The following SMURF2 variants were observed in gnomAD, a reference collection of about 807,000 sequenced individuals.
The protein encoded by SMURF2 is E3 ubiquitin-protein ligase SMURF2.
SMURF2 carries 48 observed loss-of-function variants against 109.6 expected under a neutral mutation model. That is an observed-to-expected ratio of 0.44 (90% CI 0.35 to 0.56). SMURF2 has a LOEUF of 0.56. Among genes scored for constraint, SMURF2 ranks in the 20% least tolerant of loss-of-function variants. The pLI, the probability that SMURF2 is intolerant of heterozygous loss-of-function variation, is 0.01. For missense variants in SMURF2, 575 were observed against 909.0 expected (o/e 0.63, Z 4.72); for synonymous variants, 288 against 317.1 (o/e 0.91, Z 0.97).
intron 3 of SMURF2, among the ~76,000 whole-genome samples, chr17:64,595,941 C>G (rs17401012): frequency 2.6e-5 from 4 of 152,052 alleles, no homozygotes; most frequent in Non-Finnish European, 5.9e-5. Flanking sequence ...ATACTCTAAA[C>G]CTACAATTTC....
At chr17:64,595,878 C>T (rs1206872569) in intron 3 of SMURF2, among the ~76,000 whole-genome samples, 2 of 152,226 alleles carry the variant, frequency 1.3e-5, no homozygotes, top group East Asian at 3.9e-4. Flanking sequence ...AATAAAGAAA[C>T]TTCCAGTGGA....
chr17:64,645,456 G>A (rs1970546981), intron 1 of SMURF2, among the ~76,000 whole-genome samples: 1 of 152,176 alleles, frequency 6.6e-6, no homozygotes, highest in African/African-American at 2.4e-5. Flanking sequence ...TGGAGGTTGA[G>A]GCAGGAGGAT....
At chr17:64,558,508 C>G (rs16947882) in intron 12 of SMURF2, among the ~76,000 whole-genome samples, 39,927 of 152,110 alleles carry the variant, frequency 0.26, 10,887 homozygotes, top group African/African-American at 0.69. Flanking sequence ...TTGGACAAGG[C>G]TATATTTTGT....
intron 10 of SMURF2, among the ~76,000 whole-genome samples, chr17:64,564,262 A>C (rs1490708128): frequency 6.6e-6 from 1 of 152,250 alleles, no homozygotes; most frequent in East Asian, 1.9e-4. Flanking sequence ...TGGTATACCC[A>C]TACAATGGAA....
intron 1 of SMURF2, among the ~76,000 whole-genome samples, chr17:64,637,998 G>A (rs1283922044): frequency 7.1e-6 from 1 of 140,648 alleles, no homozygotes; most frequent in African/African-American, 2.7e-5. Flanking sequence ...CTATTCCATT[G>A]ATCTATATCT....
chr17:64,576,457 T>A (rs1969492432), intron 9 of SMURF2, among the ~76,000 whole-genome samples: 1 of 151,746 alleles, frequency 6.6e-6, no homozygotes, highest in Non-Finnish European at 1.5e-5. Context: ...TGAGGTCAGG[T>A]GCTCAAGACA....
chr17:64,547,483 A>C lies in SMURF2; in HGVS notation c.2071+117T>G. ...AGGTATCACAATGTGAGAGTCACAG[A>C]TAAGAAGTGAAAAAGAGAATCTCTA... is the stretch of plus-strand genomic sequence containing the variant. On this transcript the variant is annotated intron_variant, in intron 17 of 18. Transcript: ENST00000262435. This position sits in a 1 kb window ranked among gnomAD's most constrained non-coding sequence, Gnocchi z 4.2. The C allele has an allele frequency of 1.2e-6, 1 of 817,612 alleles. No homozygotes were observed. The highest frequency in any genetic ancestry group is 2.0e-6 in the Non-Finnish European group (1 of 508,018). 50.6% of individuals were successfully genotyped at this position (817,612 alleles called of 1,614,324 possible). A position where few individuals can be genotyped will look rare whatever the true frequency, so the allele number is the denominator to read the frequency against.
chr17:64,616,968 C>A (rs782413829), intron 1 of SMURF2, among the ~76,000 whole-genome samples: 15 of 148,616 alleles, frequency 1.0e-4, no homozygotes, highest in Non-Finnish European at 2.1e-4. Context: ...GTAGTCCCAG[C>A]TACTCAGGAG....
chr17:64,546,157 A>T, intron 18 of SMURF2, 106 bp downstream of exon 18: 1 of 1,139,284 alleles, frequency 8.8e-7, no homozygotes, highest in Non-Finnish European at 1.3e-6. Context: ...CATTCCCTTT[A>T]AAGGCCCATT....
Position 64,547,548 on chromosome 17 carries a change from G to T in SMURF2, c.2071+52C>A. The T allele has an allele frequency of 6.6e-7, 1 of 1,518,394 alleles. No individual in the cohort carries two copies. Among genetic ancestry groups the T allele is most frequent in the South Asian group, 1.1e-5 (1 of 89,224 alleles). The allele number at this position is 1,518,394 out of a possible 1,614,324, so 94.1% of individuals were successfully genotyped here. Reference sequence around the variant, plus strand: ...AAAATATCTCCACAGACCCCACGCTGACAGCCCCGCCCCCACCCGCTGCCC... The same window carrying T: ...AAAATATCTCCACAGACCCCACGCTTACAGCCCCGCCCCCACCCGCTGCCC... On this transcript the variant is annotated intron_variant, in intron 17 of 18. Transcript: ENST00000262435. The surrounding 1 kb of genome is among the most constrained non-coding windows in gnomAD (Gnocchi z 4.2).
chr17:64,546,085 CT>C (rs1311437088), intron 18 of SMURF2, 138 bp from the exon 19 acceptor site: 8 of 874,354 alleles, frequency 9.1e-6, no homozygotes, highest in Non-Finnish European at 1.2e-5. Flanking sequence ...GAGATGACCA[CT>C]TTTGGGTTTT....
chr17:64,661,829 C>T lies in SMURF2; in HGVS notation c.52G>A (p.Val18Ile). The change falls in exon 1 of 19, where the codon GTA becomes ATA. Residue 18 changes from valine to isoleucine, a missense_variant and splice_region_variant. Physicochemically the swap from Val to Ile is conservative, Grantham distance 29 (BLOSUM62 3). Transcript: ENST00000262435. The stretch of plus-strand genomic sequence containing the variant: ...AGCCCGGCCCGCCGCCCCCCCTCAC[C>T]TGTCAGGCGCAGCTTGACGGGCCCG... ...RNGPVKLRLT[V>I]LCAKNLVKKD... 1 of 1,222,798 alleles carries T rather than the reference C, an allele frequency of 8.2e-7. No individual in the cohort carries two copies. The highest frequency in any genetic ancestry group is 1.0e-6 in the Non-Finnish European group (1 of 982,244). The allele number at this position is 1,222,798 out of a possible 1,614,324, so 75.7% of individuals were successfully genotyped here.
rs1299897510 is a variant in SMURF2, at chr17:64,551,615, A to T, written c.1838T>A (p.Leu613Gln). Residue 613 changes from leucine (L) to glutamine (Q), a missense_variant, in exon 16 of 19, where the codon CTG becomes CAG. Leu to Gln is a moderately radical substitution (Grantham distance 113). Transcript: ENST00000262435. ...KGFNEVIPQH[L>Q]LKTFDEKELE... is the part of the protein sequence containing the mutation. The stretch of plus-strand genomic sequence containing the variant: ...CTCCTTCTCATCAAATGTCTTCAGC[A>T]GATGTTGTGGAATTACTTCATTAAA... The T allele has an allele frequency of 6.2e-7, 1 of 1,614,096 alleles. No homozygotes were observed. The highest frequency in any genetic ancestry group is 1.7e-5 in the Admixed American group (1 of 60,024).
chr17:64,616,949 T>G (rs1405561512), intron 1 of SMURF2, among the ~76,000 whole-genome samples: 3 of 149,742 alleles, frequency 2.0e-5, no homozygotes, highest in Non-Finnish European at 4.4e-5. Flanking sequence ...GGCATGGTGG[T>G]GTGTGCCTGT....
intron 10 of SMURF2, among the ~76,000 whole-genome samples, chr17:64,569,626 T>C (rs1969370575): frequency 6.6e-6 from 1 of 152,134 alleles, no homozygotes; most frequent in Non-Finnish European, 1.5e-5. Flanking sequence ...AAAATTCAAG[T>C]TAAAGTTACA....
chr17:64,651,582 A>C (rs1213708799), intron 1 of SMURF2, among the ~76,000 whole-genome samples: 1 of 151,872 alleles, frequency 6.6e-6, no homozygotes, highest in South Asian at 2.1e-4. Context: ...AGAAAAAAAA[A>C]AAAAGAGAAG....
At chr17:64,602,711 G>A (rs1244903231) in intron 2 of SMURF2, among the ~76,000 whole-genome samples, 1 of 152,028 alleles carries the variant, frequency 6.6e-6, no homozygotes, top group Non-Finnish European at 1.5e-5. Flanking sequence ...GGTGGATCAC[G>A]AGGTCACGAG....
At chr17:64,603,931 T>C (rs1555688816) in intron 2 of SMURF2, among the ~76,000 whole-genome samples, 1 of 152,228 alleles carries the variant, frequency 6.6e-6, no homozygotes, top group Non-Finnish European at 1.5e-5. Flanking sequence ...TAGTCGTACT[T>C]TGTATTAAAA....
At chr17:64,651,551 G>A (rs1240546189) in intron 1 of SMURF2, among the ~76,000 whole-genome samples, 3 of 149,820 alleles carry the variant, frequency 2.0e-5, no homozygotes, top group Non-Finnish European at 3.0e-5. Flanking sequence ...CAGCCTGGGC[G>A]ACAGAGCAAG....
Sources: gnomAD v4.1 joint callset for allele counts (sites outside exome capture counted in the v4.1 genomes callset) on GRCh38, gnomAD v4.1.1 for gene constraint, Gnocchi (gnomAD v3.1) non-coding constraint, MANE v1.5 for transcripts, NCBI Gene and HGNC (gene_info 2026-07-23, HGNC 2026-07-21) for gene names.